Variants in LCLAT1 observed in about 807,000 individuals in gnomAD.
The protein encoded by LCLAT1 is 1-AGP acyltransferase 8.
A neutral mutation model predicts 30.7 loss-of-function variants in LCLAT1; 11 were observed. The observed-to-expected ratio is 0.36, with a 90% CI of 0.23 to 0.59. The LOEUF is 0.59. Among genes scored for constraint, LCLAT1 ranks in the 20% least tolerant of loss-of-function variants. The pLI, the probability that LCLAT1 is intolerant of heterozygous loss-of-function variation, is 0.77. For synonymous variants in LCLAT1, 155 were observed against 151.3 expected (o/e 1.02, Z -0.18); for missense variants, 402 against 458.6 (o/e 0.88, Z 1.13).
intron 5 of LCLAT1, among the ~76,000 whole-genome samples, chr2:30,574,532 T>C (rs1665912406): frequency 6.6e-6 from 1 of 152,190 alleles, no homozygotes; most frequent in Non-Finnish European, 1.5e-5. Flanking sequence ...TCATCATGGT[T>C]GTCCATGTTG....
intron 3 of LCLAT1, among the ~76,000 whole-genome samples, chr2:30,542,389 A>G (rs1238742630): frequency 6.6e-6 from 1 of 152,062 alleles, no homozygotes; most frequent in East Asian, 1.9e-4. Context: ...TTTTTCCTAT[A>G]CAGCTTTCCA....
chr2:30,631,004 C>G (rs1222173186), intron 5 of LCLAT1, among the ~76,000 whole-genome samples: 1 of 152,134 alleles, frequency 6.6e-6, no homozygotes, highest in Non-Finnish European at 1.5e-5. Flanking sequence ...GATTAACTCC[C>G]ACCAGTTGAT....
chr2:30,582,349 TA>T (rs1439800152), intron 5 of LCLAT1, among the ~76,000 whole-genome samples: 1 of 152,206 alleles, frequency 6.6e-6, no homozygotes, highest in Non-Finnish European at 1.5e-5. Context: ...CAGAATTCTT[TA>T]TGAGGCTAAT....
At chr2:30,520,157 C>T (rs1685405667) in intron 1 of LCLAT1, among the ~76,000 whole-genome samples, 1 of 152,174 alleles carries the variant, frequency 6.6e-6, no homozygotes. Context: ...TCCTTGGAAT[C>T]CGTGAGGCCA....
chr2:30,483,605 A>G (rs1683420945), intron 1 of LCLAT1, among the ~76,000 whole-genome samples: 1 of 152,146 alleles, frequency 6.6e-6, no homozygotes, highest in Admixed American at 6.6e-5. Flanking sequence ...GCTACTAGTG[A>G]TGATGAAAAC....
At chr2:30,617,022 T>TA (rs940646896) in intron 5 of LCLAT1, among the ~76,000 whole-genome samples, 1 of 152,110 alleles carries the variant, frequency 6.6e-6, no homozygotes, top group Non-Finnish European at 1.5e-5. Context: ...TGAGACGCCT[T>TA]AAAAAAACAG....
At chr2:30,486,603 C>T (rs1290268264) in intron 1 of LCLAT1, among the ~76,000 whole-genome samples, 4 of 152,190 alleles carry the variant, frequency 2.6e-5, no homozygotes, top group Non-Finnish European at 5.9e-5. Flanking sequence ...CATTTCAAAT[C>T]CTCTAGTGGC....
chr2:30,494,802 A>G (rs557501374), intron 1 of LCLAT1, among the ~76,000 whole-genome samples: 6 of 149,858 alleles, frequency 4.0e-5, no homozygotes, highest in African/African-American at 1.5e-4. Context: ...TCAAAGCTTC[A>G]TCTTTCTGTT....
At chr2:30,462,757 C>CT (rs533232401) in intron 1 of LCLAT1, among the ~76,000 whole-genome samples, 120 of 152,152 alleles carry the variant, frequency 7.9e-4, no homozygotes, top group African/African-American at 2.7e-3. Flanking sequence ...TAAGAATTAC[C>CT]TTTTTTTGTG....
chr2:30,486,044 C>G (rs1203172538), intron 1 of LCLAT1, among the ~76,000 whole-genome samples: 7 of 152,138 alleles, frequency 4.6e-5, no homozygotes, highest in Non-Finnish European at 1.0e-4. Flanking sequence ...TATTTAAACC[C>G]TTATGGCTTT....
chr2:30,538,219 G>A (rs1362186772), intron 3 of LCLAT1, among the ~76,000 whole-genome samples: 1 of 152,050 alleles, frequency 6.6e-6, no homozygotes, highest in African/African-American at 2.4e-5. Context: ...AAAGATATAA[G>A]AAAGATTAGA....
chr2:30,566,067 C>T (rs1173620346), intron 4 of LCLAT1, among the ~76,000 whole-genome samples: 1 of 152,038 alleles, frequency 6.6e-6, no homozygotes, highest in Non-Finnish European at 1.5e-5. Context: ...AGACAGGAGG[C>T]TGTGGTCAGA....
At chr2:30,555,544 A>G (rs1003696485) in intron 3 of LCLAT1, among the ~76,000 whole-genome samples, 4 of 152,162 alleles carry the variant, frequency 2.6e-5, no homozygotes, top group Non-Finnish European at 5.9e-5. Context: ...GGTGATTTCT[A>G]CAAATCTTAT....
chr2:30,598,055 G>C (rs1667007455), intron 5 of LCLAT1, among the ~76,000 whole-genome samples: 1 of 152,190 alleles, frequency 6.6e-6, no homozygotes. Context: ...GTATTTTATT[G>C]AGGATTTCTG....
intron 3 of LCLAT1, among the ~76,000 whole-genome samples, chr2:30,545,533 G>T (rs1664361852): frequency 6.6e-6 from 1 of 151,908 alleles, no homozygotes; most frequent in South Asian, 2.1e-4. Context: ...TATGTAACAG[G>T]GTAGGAAATA....
Position 30,479,147 on chromosome 2 carries a change from ACT to A in LCLAT1, c.-5+31765_-5+31766del, listed in dbSNP as rs1683200492. Among the ~76,000 whole-genome samples, 13 of 152,306 alleles carry A rather than the reference ACT, an allele frequency of 8.5e-5. 1 individual carries two copies. The highest frequency in any genetic ancestry group is 3.1e-4 in the African/African-American group (13 of 41,580). Reference sequence around the variant, plus strand: ...GCAAGAAGAAACAATTGTGGCACTTACTTATTTGGGTGAATCTCACAGACATG... The same window carrying A: ...GCAAGAAGAAACAATTGTGGCACTTATATTTGGGTGAATCTCACAGACATG... On this transcript the variant is annotated intron_variant, in intron 1 of 5. Transcript: ENST00000379509.
chr2:30,599,943 G>A (rs2593436), intron 5 of LCLAT1, among the ~76,000 whole-genome samples: 14,683 of 152,116 alleles, frequency 0.097, 748 homozygotes, highest in East Asian at 0.11. Flanking sequence ...GTTTGAATTC[G>A]ACCCTGTCAT....
intron 1 of LCLAT1, among the ~76,000 whole-genome samples, chr2:30,457,531 C>T (rs1681892075): frequency 6.6e-6 from 1 of 152,144 alleles, no homozygotes; most frequent in South Asian, 2.1e-4. Flanking sequence ...GTTGGAAGTA[C>T]AATGGTTTTC....
intron 1 of LCLAT1, among the ~76,000 whole-genome samples, chr2:30,450,388 C>G (rs1490027075): frequency 2.0e-5 from 3 of 151,468 alleles, no homozygotes; most frequent in Non-Finnish European, 4.4e-5. Flanking sequence ...AAGGTTAGAG[C>G]CAGGTTGTGA....
Sources: gnomAD v4.1 joint callset for allele counts (sites outside exome capture counted in the v4.1 genomes callset) on GRCh38, gnomAD v4.1.1 for gene constraint, MANE v1.5 for transcripts, NCBI Gene and HGNC (gene_info 2026-07-23, HGNC 2026-07-21) for gene names.